GNA14: variants seen among roughly 807,000 people sequenced by gnomAD.
GNA14 encodes G protein subunit alpha 14, also known as guanine nucleotide-binding protein subunit alpha-14.
In GNA14, 50 loss-of-function variants were observed where a neutral mutation model predicts 42.0. The ratio of observed to expected loss-of-function variants is 1.19; its 90% CI spans 0.95 to 1.51. GNA14 has a LOEUF of 1.51. Ranked by LOEUF, GNA14 falls within the 40% of genes most tolerant of loss-of-function variation. The pLI is 0.00. For synonymous variants in GNA14, 173 were observed against 163.1 expected (o/e 1.06, Z -0.46); for missense variants, 473 against 446.2 (o/e 1.06, Z -0.54).
In GNA14 at chr9:77,479,735, G is replaced by A. The variant is rs527635851; in HGVS notation, c.310-45213C>T. Among the ~76,000 whole-genome samples, 990 of 152,242 alleles carry A rather than the reference G, an allele frequency of 6.5e-3. 5 individuals are homozygous for A. Among genetic ancestry groups the A allele is most frequent in the Non-Finnish European group, 0.01 (684 of 68,018 alleles). ...TTCTCTTTTATTTCATTGAGCAGTG[G>A]TTTGTGGTTCTCCTTGAAGATGTCC... On this transcript the variant is annotated intron_variant, in intron 2 of 6. Transcript: ENST00000341700.
At chr9:77,601,321 T>G (rs979358705) in intron 1 of GNA14, among the ~76,000 whole-genome samples, 2 of 152,228 alleles carry the variant, frequency 1.3e-5, no homozygotes, top group Non-Finnish European at 2.9e-5. Flanking sequence ...CAAAAAGATC[T>G]AGTGTTCTTT....
In GNA14 at chr9:77,553,623, G is replaced by C. The variant is rs186095523; in HGVS notation, c.125-24370C>G. Reference sequence around the variant, plus strand: ...ATACCATATTTTGTTTGCAAGAGGGGCAAATTGACAAAAAAAATCCAGTGT... The same window carrying C: ...ATACCATATTTTGTTTGCAAGAGGGCCAAATTGACAAAAAAAATCCAGTGT... On this transcript the variant is annotated intron_variant, in intron 1 of 6. Transcript: ENST00000341700. Among the ~76,000 whole-genome samples the C allele has an allele frequency of 2.0e-5, 3 of 152,060 alleles. No individual in the cohort carries two copies. The East Asian group carries it at 5.9e-4, about 30-fold the overall frequency.
chr9:77,523,887 G>T (rs189802609), intron 2 of GNA14, among the ~76,000 whole-genome samples: 1 of 152,156 alleles, frequency 6.6e-6, no homozygotes, highest in Non-Finnish European at 1.5e-5. Flanking sequence ...ACCTTTAAGG[G>T]GTTCATATTT....
intron 1 of GNA14, among the ~76,000 whole-genome samples, chr9:77,644,754 T>A (rs1169758426): frequency 1.3e-5 from 2 of 152,182 alleles, no homozygotes; most frequent in Admixed American, 1.3e-4. Context: ...GCATCCAGAA[T>A]TAAAACACTC....
chr9:77,599,865 A>G (rs1213866795), intron 1 of GNA14, among the ~76,000 whole-genome samples: 2 of 152,176 alleles, frequency 1.3e-5, no homozygotes, highest in Non-Finnish European at 2.9e-5. Flanking sequence ...GAATAATGAC[A>G]ATTAAATTTT....
chr9:77,648,024 C>G lies in GNA14; in HGVS notation c.-231G>C. The G allele has an allele frequency of 1.9e-6, 1 of 535,814 alleles. No individual in the cohort carries two copies. The highest frequency in any genetic ancestry group is 2.5e-5 in the South Asian group (1 of 40,694). 33.2% of individuals were successfully genotyped at this position (535,814 alleles called of 1,614,324 possible). ...GCGCTGGGAACGCTCGAGTGCACCC[C>G]GGATCCGGGCTCAGCCCGCCCCACT... is the stretch of plus-strand genomic sequence containing the variant. On this transcript the variant is annotated 5_prime_UTR_variant, in exon 1 of 7. Coordinates refer to ENST00000341700, the MANE Select transcript of GNA14 (RefSeq NM_004297.4).
At chr9:77,616,569 T>C (rs1464594194) in intron 1 of GNA14, among the ~76,000 whole-genome samples, 7 of 152,172 alleles carry the variant, frequency 4.6e-5, no homozygotes, top group Non-Finnish European at 8.8e-5. Flanking sequence ...TATTTCAGTA[T>C]TACACACGAG....
chr9:77,536,928 T>G (rs11792609), intron 1 of GNA14, among the ~76,000 whole-genome samples: 79,355 of 151,324 alleles, frequency 0.52, 23,529 homozygotes, highest in Non-Finnish European at 0.65. Flanking sequence ...ATATGTGCAT[T>G]TTTTTTTACA....
intron 1 of GNA14, among the ~76,000 whole-genome samples, chr9:77,572,976 A>C (rs1823081851): frequency 1.3e-5 from 2 of 152,240 alleles, no homozygotes; most frequent in African/African-American, 4.8e-5. Flanking sequence ...AGCCAACAAT[A>C]TACTGTCGAC....
intron 1 of GNA14, among the ~76,000 whole-genome samples, chr9:77,537,917 T>C (rs1837616094): frequency 6.6e-6 from 1 of 152,218 alleles, no homozygotes; most frequent in African/African-American, 2.4e-5. Context: ...CACTTTTTAA[T>C]GGCATTATTT....
At chr9:77,484,160 T>C (rs977863367) in intron 2 of GNA14, among the ~76,000 whole-genome samples, 2 of 152,220 alleles carry the variant, frequency 1.3e-5, no homozygotes, top group Non-Finnish European at 2.9e-5. Flanking sequence ...GGAAGTGTCA[T>C]AATCAGAACT....
intron 1 of GNA14, among the ~76,000 whole-genome samples, chr9:77,624,778 A>G (rs1823988277): frequency 6.6e-6 from 1 of 152,184 alleles, no homozygotes; most frequent in African/African-American, 2.4e-5. Flanking sequence ...AAAGGTACAT[A>G]AATTCATGAA....
intron 3 of GNA14, chr9:77,431,719 G>A (rs1835558439): frequency 6.0e-6 from 2 of 331,178 alleles, no homozygotes; most frequent in East Asian, 4.7e-5. Flanking sequence ...AAGCTCTATC[G>A]CTTCTATTTG....
chr9:77,620,004 CTA>C (rs889356321), intron 1 of GNA14, among the ~76,000 whole-genome samples: 33 of 152,204 alleles, frequency 2.2e-4, no homozygotes, highest in Middle Eastern at 6.8e-3. Context: ...ATAAAGAAAT[CTA>C]TTTCTACCGT....
chr9:77,476,439 A>G (rs1435137602), intron 2 of GNA14, among the ~76,000 whole-genome samples: 1 of 152,200 alleles, frequency 6.6e-6, no homozygotes, highest in Non-Finnish European at 1.5e-5. Flanking sequence ...TGAATGAACA[A>G]AATCAGAATA....
intron 1 of GNA14, among the ~76,000 whole-genome samples, chr9:77,558,256 T>C (rs1178454996): frequency 6.6e-6 from 1 of 151,878 alleles, no homozygotes; most frequent in African/African-American, 2.4e-5. Context: ...CACTTTCACA[T>C]TGTCCAGCAA....
At chr9:77,497,095 C>A (rs765622628) in intron 2 of GNA14, among the ~76,000 whole-genome samples, 1 of 152,110 alleles carries the variant, frequency 6.6e-6, no homozygotes, top group Non-Finnish European at 1.5e-5. Flanking sequence ...CTCCCCTCCA[C>A]GGCAGAGGTG....
At chr9:77,482,803 T>C (rs1836580399) in intron 2 of GNA14, among the ~76,000 whole-genome samples, 2 of 152,350 alleles carry the variant, frequency 1.3e-5, no homozygotes, top group African/African-American at 4.8e-5. Flanking sequence ...ATTTCATTCA[T>C]TTCGTCTTCC....
intron 1 of GNA14, among the ~76,000 whole-genome samples, chr9:77,564,237 T>C (rs1464855288): frequency 6.7e-6 from 1 of 149,702 alleles, no homozygotes; most frequent in Non-Finnish European, 1.5e-5. Context: ...GAGCTTAAGA[T>C]GGAAGTCTCC....
Sources: allele counts gnomAD v4.1 joint callset (sites outside exome capture counted in the v4.1 genomes callset), GRCh38; gene constraint gnomAD v4.1.1; transcripts MANE v1.5; gene names NCBI Gene and HGNC (gene_info 2026-07-23, HGNC 2026-07-21).